Variants in GREB1 observed in about 807,000 individuals in gnomAD.
GREB1 encodes protein GREB1.
A neutral mutation model predicts 200.7 loss-of-function variants in GREB1; 106 were observed. The observed-to-expected ratio is 0.53, with a 90% confidence interval of 0.45 to 0.62. The LOEUF is 0.62. Ranked by LOEUF, GREB1 falls within the 20% of genes least tolerant of loss-of-function variation. The pLI is 0.00. For missense variants in GREB1, 2,243 were observed against 2,556.8 expected, an observed-to-expected ratio of 0.88 and a Z score of 2.65; for synonymous variants, 1,132 against 1,092.4, an observed-to-expected ratio of 1.04 and a Z score of -0.72.
At chr2:11,560,008 T>A (rs1364234016) in intron 2 of GREB1, among the ~76,000 whole-genome samples, 1 of 152,214 alleles carries the variant, frequency 6.6e-6, no homozygotes, top group African/African-American at 2.4e-5. Context: ...CAAGCCCGTT[T>A]GAAATGGTCG....
chr2:11,535,167 C>T (rs1248827054), intron 1 of GREB1, among the ~76,000 whole-genome samples: 3 of 152,168 alleles, frequency 2.0e-5, no homozygotes, highest in African/African-American at 7.2e-5. Context: ...CTGGTCCCAG[C>T]GCTGCTGTGC....
intron 10 of GREB1, among the ~76,000 whole-genome samples, chr2:11,589,883 G>A (rs1255723734): frequency 3.3e-5 from 5 of 152,284 alleles, no homozygotes; most frequent in East Asian, 1.9e-4. Flanking sequence ...CTGTCTTGGC[G>A]TGAGTTTGTA....
chr2:11,574,054 G>A (rs1351508211), intron 4 of GREB1, among the ~76,000 whole-genome samples: 1 of 152,236 alleles, frequency 6.6e-6, no homozygotes, highest in Non-Finnish European at 1.5e-5. Flanking sequence ...GTTGAGCTGG[G>A]TTTATCTCAA....
At chr2:11,555,845 G>A (rs1676380695) in intron 1 of GREB1, among the ~76,000 whole-genome samples, 1 of 152,168 alleles carries the variant, frequency 6.6e-6, no homozygotes, top group African/African-American at 2.4e-5. Context: ...CCATTGAGTT[G>A]TCTACTTTAA....
intron 1 of GREB1, among the ~76,000 whole-genome samples, chr2:11,539,132 A>G (rs1382175609): frequency 6.7e-6 from 1 of 149,686 alleles, no homozygotes; most frequent in Non-Finnish European, 1.5e-5. Flanking sequence ...AGCTCACTGC[A>G]CCCTCTGCCT....
chr2:11,578,666 G>A (rs887254088), intron 6 of GREB1, among the ~76,000 whole-genome samples: 4 of 152,144 alleles, frequency 2.6e-5, no homozygotes, highest in African/African-American at 7.2e-5. Context: ...TCCCCTGGTG[G>A]GGACATATGC....
At chr2:11,618,151 T>TCACTCCTGGGATGGGC in intron 21 of GREB1, 137 bp from the exon 22 acceptor site, 1 of 591,966 alleles carries the variant, frequency 1.7e-6, no homozygotes, top group South Asian at 2.3e-5. Context: ...CTGGGACAGG[T>TCACTCCTGGGATGGGC]CACTCCTGGG....
chr2:11,603,924 G>A (rs773549373), intron 17 of GREB1, among the ~76,000 whole-genome samples: 6 of 152,196 alleles, frequency 3.9e-5, no homozygotes, highest in Non-Finnish European at 8.8e-5. Context: ...AAGAAACTGA[G>A]ACTTAGAGAA....
rs984240131 is a variant in GREB1, at chr2:11,642,610, A to G, written c.*2156A>G. On this transcript the variant is annotated 3_prime_UTR_variant, in exon 33 of 33. Coordinates refer to ENST00000381486, the MANE Select transcript of GREB1 (RefSeq NM_014668.4). Reference sequence around the variant, plus strand: ...TGTTTATAAAATGATTACTTTGTATATCTCATTATTCCTATTTTGGAATAA... The same window carrying G: ...TGTTTATAAAATGATTACTTTGTATGTCTCATTATTCCTATTTTGGAATAA... 2.6e-5 allele frequency: 4 copies of G among 152,224 alleles called. No homozygotes were observed. The highest frequency in any genetic ancestry group is 4.4e-5 in the Non-Finnish European group (3 of 68,040). 9.4% of individuals were successfully genotyped at this position (152,224 alleles called of 1,614,324 possible). A position where few individuals can be genotyped will look rare whatever the true frequency, so the allele number is the denominator to read the frequency against.
At position 11,587,600 on chromosome 2, in the gene GREB1, C is replaced by T; in HGVS notation, c.1160-1146C>T. The T allele has an allele frequency of 7.5e-6, 11 of 1,470,860 alleles. No homozygotes were observed. The South Asian group carries it at 1.5e-4, about 20-fold the overall frequency. The allele number at this position is 1,470,860 out of a possible 1,614,324, so 91.1% of individuals were successfully genotyped here. ...ACCTGTGCCCCAGGCACCAGCTTTA[C>T]TCCCCGAGCCCAGCAGGACATCTGC... On this transcript the variant is annotated intron_variant, in intron 9 of 32. Coordinates refer to ENST00000381486, the MANE Select transcript of GREB1 (RefSeq NM_014668.4).
intron 1 of GREB1, among the ~76,000 whole-genome samples, chr2:11,541,457 G>A (rs1195130566): frequency 2.0e-5 from 3 of 150,714 alleles, no homozygotes; most frequent in Admixed American, 2.0e-4. Flanking sequence ...GGGGGGCCAT[G>A]GGGATCGGAA....
At chr2:11,607,495 C>T (rs1434253830) in intron 17 of GREB1, among the ~76,000 whole-genome samples, 2 of 139,980 alleles carry the variant, frequency 1.4e-5, no homozygotes, top group Admixed American at 7.2e-5. Flanking sequence ...TATATATACA[C>T]ATATATATAC....
At chr2:11,588,552 G>C in intron 9 of GREB1, 194 bp from the exon 10 acceptor site, 1 of 653,348 alleles carries the variant, frequency 1.5e-6, no homozygotes, top group South Asian at 1.8e-5. Flanking sequence ...TAGAAAAGGT[G>C]ACTCCTCTCA....
chr2:11,596,071 C>CT, intron 12 of GREB1, 40 bp from the exon 13 acceptor site: 3 of 1,589,036 alleles, frequency 1.9e-6, no homozygotes, highest in Non-Finnish European at 2.6e-6. Context: ...CTGAATTTCA[C>CT]TGACATCAAA....
chr2:11,600,896 T>A lies in GREB1; in HGVS notation c.2430T>A (p.Ile810=). ...GGGAGGTGAAGGAGGCCCCCAACATTGTGACACTTCACGTGACCTCCTTCC... is the reference window on the plus strand; with the variant it reads ...GGGAGGTGAAGGAGGCCCCCAACATAGTGACACTTCACGTGACCTCCTTCC... The part of the protein sequence containing the change: ...NCREVKEAPN[I]VTLHVTSFPY... The change falls in exon 16 of 33, where the codon ATT becomes ATA. Residue 810 remains isoleucine, a synonymous_variant. Transcript: ENST00000381486. The A allele has an allele frequency of 6.2e-7, 1 of 1,614,090 alleles. No homozygotes were observed.
At chr2:11,514,992 A>C (rs1393230257) in intron 1 of GREB1, among the ~76,000 whole-genome samples, 2 of 151,360 alleles carry the variant, frequency 1.3e-5, no homozygotes, top group African/African-American at 4.9e-5. Flanking sequence ...CCATCCGCGC[A>C]TGTGTCCATC....
chr2:11,599,224 TG>T (rs1681536361), intron 15 of GREB1, among the ~76,000 whole-genome samples: 1 of 152,098 alleles, frequency 6.6e-6, no homozygotes. Context: ...GGAGCCATGC[TG>T]GTGTGGGGTG....
intron 4 of GREB1, among the ~76,000 whole-genome samples, chr2:11,575,705 T>C (rs531197005): frequency 6.8e-4 from 104 of 152,314 alleles, no homozygotes; most frequent in Non-Finnish European, 1.4e-3. Context: ...GATAGCAGGA[T>C]GGAATTTTGG....
chr2:11,487,811 TCATGC>T (rs1672689277), intron 1 of GREB1, among the ~76,000 whole-genome samples: 1 of 152,220 alleles, frequency 6.6e-6, no homozygotes, highest in African/African-American at 2.4e-5. Flanking sequence ...TTATATCATT[TCATGC>T]CCCTGGTGTT....
Sources: gnomAD v4.1 joint callset for allele counts (sites outside exome capture counted in the v4.1 genomes callset) on GRCh38, gnomAD v4.1.1 for gene constraint, MANE v1.5 for transcripts, NCBI Gene and HGNC (gene_info 2026-07-23, HGNC 2026-07-21) for gene names.